DAPK2: variants seen among roughly 807,000 people sequenced by gnomAD.
DAPK2 encodes death associated protein kinase 2.
In DAPK2, 35 loss-of-function variants were observed where a neutral mutation model predicts 44.1. The observed-to-expected ratio is 0.79, with a 90% CI of 0.61 to 1.05. The LOEUF (loss-of-function observed/expected upper bound fraction) is 1.05, where lower values mean the gene tolerates loss of function less well. Ranked by LOEUF, DAPK2 falls within the 50% of genes least tolerant of loss-of-function variation. DAPK2 has a pLI of 0.00. For synonymous variants in DAPK2, 174 were observed against 182.6 expected (o/e 0.95, Z 0.38); for missense variants, 453 against 483.2 (o/e 0.94, Z 0.59).
chr15:64,011,202 C>T (rs1421811619), intron 1 of DAPK2, among the ~76,000 whole-genome samples: 1 of 152,190 alleles, frequency 6.6e-6, no homozygotes, highest in South Asian at 2.1e-4. Flanking sequence ...CCCCCAACTA[C>T]GTGACTTCTG....
intron 3 of DAPK2, among the ~76,000 whole-genome samples, chr15:63,968,407 A>G (rs2078115305): frequency 6.6e-6 from 1 of 152,206 alleles, no homozygotes; most frequent in South Asian, 2.1e-4. Context: ...GTTTCCAGGT[A>G]ATGGAAAATG....
At chr15:63,942,943 T>G (rs1424177406) in intron 3 of DAPK2, among the ~76,000 whole-genome samples, 1 of 152,068 alleles carries the variant, frequency 6.6e-6, no homozygotes, top group Non-Finnish European at 1.5e-5. Flanking sequence ...GAGGTTGGGA[T>G]AGAGCCTGAT....
intron 3 of DAPK2, among the ~76,000 whole-genome samples, chr15:63,946,795 C>T (rs2077460306): frequency 1.3e-5 from 2 of 152,158 alleles, no homozygotes; most frequent in Admixed American, 6.5e-5. Context: ...AGCAGAGGCC[C>T]AGCCAGGGCT....
chr15:63,989,684 TACAC>T (rs367881226), intron 1 of DAPK2, among the ~76,000 whole-genome samples: 1 of 152,080 alleles, frequency 6.6e-6, no homozygotes, highest in South Asian at 2.1e-4. Flanking sequence ...CATACATACA[TACAC>T]ACACACATAC....
At chr15:63,943,044 C>T (rs974043994) in intron 3 of DAPK2, among the ~76,000 whole-genome samples, 1 of 151,410 alleles carries the variant, frequency 6.6e-6, no homozygotes, top group African/African-American at 2.4e-5. Flanking sequence ...GCTAAGCAAA[C>T]ATGCGACATA....
At chr15:64,006,575 A>AGT (rs2079236868) in intron 1 of DAPK2, among the ~76,000 whole-genome samples, 1 of 152,178 alleles carries the variant, frequency 6.6e-6, no homozygotes, top group South Asian at 2.1e-4. Context: ...GAGATCCCCC[A>AGT]GTATACAATA....
Position 63,965,710 on chromosome 15 carries a change from G to A in DAPK2, c.453+5713C>T, listed in dbSNP as rs537266603. On this transcript the variant is annotated intron_variant, in intron 3 of 10. Coordinates refer to ENST00000261891, the Ensembl canonical transcript of DAPK2. ...CTTCCCTCCCCTTTCCACAAGCGGA[G>A]GCATCTCCCCCCATGGCCCCCACTG... is the stretch of plus-strand genomic sequence containing the variant. Among the ~76,000 whole-genome samples, 27 of 152,276 alleles carry A rather than the reference G, an allele frequency of 1.8e-4. No individual in the cohort carries two copies. In the South Asian group the frequency reaches 3.5e-3, roughly 20 times the overall value.
intron 3 of DAPK2, among the ~76,000 whole-genome samples, chr15:63,943,355 G>A (rs1211482489): frequency 2.0e-5 from 3 of 152,174 alleles, no homozygotes; most frequent in African/African-American, 7.2e-5. Context: ...CTGAGCCCAG[G>A]AGGTTGAGGC....
At chr15:63,987,815 A>G (rs1021998507) in intron 1 of DAPK2, among the ~76,000 whole-genome samples, 1 of 152,058 alleles carries the variant, frequency 6.6e-6, no homozygotes, top group Non-Finnish European at 1.5e-5. Context: ...GAGCCCTACC[A>G]CTAACGAGCC....
intron 1 of DAPK2, among the ~76,000 whole-genome samples, chr15:63,984,259 G>T (rs1372593746): frequency 6.6e-6 from 1 of 152,178 alleles, no homozygotes; most frequent in Non-Finnish European, 1.5e-5. Flanking sequence ...GAGGCATAAG[G>T]ATAGGTCATG....
chr15:63,989,850 C>G (rs1287894081), intron 1 of DAPK2, among the ~76,000 whole-genome samples: 1 of 152,068 alleles, frequency 6.6e-6, no homozygotes, highest in Non-Finnish European at 1.5e-5. Flanking sequence ...CACCATTATA[C>G]CTGGCTAATT....
intron 1 of DAPK2, among the ~76,000 whole-genome samples, chr15:64,009,941 C>A (rs2079343326): frequency 6.6e-6 from 1 of 152,154 alleles, no homozygotes; most frequent in Admixed American, 6.5e-5. Context: ...TCCAGTGGCA[C>A]AAAGGCTTGT....
At chr15:63,962,150 T>C (rs1334528022) in intron 3 of DAPK2, among the ~76,000 whole-genome samples, 3 of 152,248 alleles carry the variant, frequency 2.0e-5, no homozygotes, top group African/African-American at 7.2e-5. Context: ...CTGAAGCTTG[T>C]GTATGCGTCA....
chr15:63,992,645 C>T (rs1313403794), intron 1 of DAPK2, among the ~76,000 whole-genome samples: 1 of 152,202 alleles, frequency 6.6e-6, no homozygotes, highest in Non-Finnish European at 1.5e-5. Flanking sequence ...TTCACTCCCT[C>T]CCTATCAGGT....
At chr15:63,955,604 T>G (rs1157308453) in intron 3 of DAPK2, among the ~76,000 whole-genome samples, 6 of 152,166 alleles carry the variant, frequency 3.9e-5, no homozygotes, top group African/African-American at 1.4e-4. Flanking sequence ...GGTCTCACTC[T>G]GTCACCGAGG....
At chr15:63,981,376 T>C (rs1230731486) in intron 2 of DAPK2, among the ~76,000 whole-genome samples, 1 of 152,096 alleles carries the variant, frequency 6.6e-6, no homozygotes, top group Non-Finnish European at 1.5e-5. Context: ...ACCTTTTCCT[T>C]ATAAATTAAC....
chr15:63,967,915 G>A lies in DAPK2; in HGVS notation c.453+3508C>T, dbSNP rs572341866. Among the ~76,000 whole-genome samples, 10 of 152,292 alleles carry A rather than the reference G, an allele frequency of 6.6e-5. 1 individual carries two copies. The highest frequency in any genetic ancestry group is 1.4e-4 in the African/African-American group (6 of 41,560). On this transcript the variant is annotated intron_variant, in intron 3 of 10. Transcript: ENST00000261891. ...GCTGGAAGGTGTGCATAGAGAACAG[G>A]TTATGGGTAAGGGTGTGGAGACAAC...
upstream of DAPK2, among the ~76,000 whole-genome samples, chr15:64,040,692 C>T (rs1352692172): frequency 6.6e-6 from 1 of 152,026 alleles, no homozygotes; most frequent in Middle Eastern, 3.2e-3. Context: ...GGGTGGATTA[C>T]TTGAGGTCAG....
chr15:63,935,711 C>T (rs1396084476), intron 4 of DAPK2: 1 of 152,106 alleles, frequency 6.6e-6, no homozygotes, highest in African/African-American at 2.4e-5. Context: ...AGTGCTTCTC[C>T]TTTTTTTCTT....
Sources: gnomAD v4.1 joint callset for allele counts (sites outside exome capture counted in the v4.1 genomes callset) on GRCh38, gnomAD v4.1.1 for gene constraint, MANE v1.5 for transcripts, NCBI Gene and HGNC (gene_info 2026-07-23, HGNC 2026-07-21) for gene names.